The following TMEM51 variants were observed in gnomAD, a reference collection of about 807,000 sequenced individuals.
The protein encoded by TMEM51 is chromosome 1 open reading frame 72.
In TMEM51, 8 loss-of-function variants were observed where a neutral mutation model predicts 13.6. The ratio of observed to expected loss-of-function variants is 0.59; its 90% CI spans 0.35 to 1.07. TMEM51 has a LOEUF of 1.07. TMEM51 is among the 50% of genes least tolerant of loss of function. The probability of loss-of-function intolerance (pLI) is 0.02; values close to 1 mark genes in which losing one functional copy is unlikely to be tolerated. For synonymous variants in TMEM51, 147 were observed against 144.4 expected, an observed-to-expected ratio of 1.02 and a Z score of -0.13; for missense variants, 279 against 330.7, an observed-to-expected ratio of 0.84 and a Z score of 1.21.
chr1:15,215,110 A>G lies in TMEM51; in HGVS notation c.23A>G (p.Asn8Ser), dbSNP rs201766226. MMAQSKANGSHYALTAIG... is the reference protein window; with the variant it reads MMAQSKASGSHYALTAIG... ...GACATGATGGCCCAGTCCAAGGCCA[A>G]TGGCTCGCACTATGCGCTGACCGCC... is the stretch of plus-strand genomic sequence containing the variant. The change falls in exon 3 of 4, where the codon AAT becomes AGT. Residue 8 changes from asparagine (N) to serine (S), a missense_variant. Asn to Ser is a conservative substitution (Grantham distance 46). Coordinates refer to ENST00000376008, the MANE Select transcript of TMEM51 (RefSeq NM_001136218.2). The G allele has an allele frequency of 8.7e-6, 14 of 1,611,702 alleles. No homozygotes were observed. The highest frequency in any genetic ancestry group is 1.3e-5 in the African/African-American group (1 of 75,020).
At chr1:15,217,138 A>C (rs1456062127) in intron 3 of TMEM51, among the ~76,000 whole-genome samples, 1 of 152,200 alleles carries the variant, frequency 6.6e-6, no homozygotes, top group East Asian at 1.9e-4. Context: ...TTCTTCAAAA[A>C]ACTCAAAATT....
chr1:15,218,313 A>G (rs1174205377), intron 3 of TMEM51, among the ~76,000 whole-genome samples: 4 of 152,208 alleles, frequency 2.6e-5, no homozygotes, highest in African/African-American at 9.7e-5. Context: ...AGTTGGTAGC[A>G]ACTTTGTACA....
At chr1:15,214,004 G>GC (rs1337839055) in intron 2 of TMEM51, among the ~76,000 whole-genome samples, 1 of 129,388 alleles carries the variant, frequency 7.7e-6, no homozygotes, top group African/African-American at 2.8e-5. Flanking sequence ...ACAGCACCCA[G>GC]CCTTTTTTTT....
intron 3 of TMEM51, among the ~76,000 whole-genome samples, chr1:15,216,597 G>A (rs1040085464): frequency 3.9e-5 from 6 of 152,160 alleles, no homozygotes; most frequent in Admixed American, 6.5e-5. Flanking sequence ...GAAGATGTGC[G>A]TATTGATCCT....
Position 15,164,070 on chromosome 1 carries a change from T to C in TMEM51, c.-267+10116T>C, listed in dbSNP as rs543597691. Reference sequence around the variant, plus strand: ...GTCTTGAACTCCTGACCTCAGGTGATCCGCCCACCTCGGCCTCCCAAAGTG... The same window carrying C: ...GTCTTGAACTCCTGACCTCAGGTGACCCGCCCACCTCGGCCTCCCAAAGTG... On this transcript the variant is annotated intron_variant, in intron 1 of 3. Coordinates refer to ENST00000376008, the MANE Select transcript of TMEM51 (RefSeq NM_001136218.2). Among the ~76,000 whole-genome samples the C allele has an allele frequency of 2.0e-5, 3 of 152,116 alleles. No individual in the cohort carries two copies. In the South Asian group the frequency reaches 6.2e-4, roughly 32 times the overall value.
chr1:15,209,092 C>T (rs1466204643), intron 1 of TMEM51, among the ~76,000 whole-genome samples: 2 of 151,916 alleles, frequency 1.3e-5, no homozygotes, highest in Admixed American at 6.6e-5. Context: ...TTTGTTGAGA[C>T]AGGGTCTCAT....
At chr1:15,201,305 CGTT>C (rs1322424114) in intron 1 of TMEM51, among the ~76,000 whole-genome samples, 1 of 149,154 alleles carries the variant, frequency 6.7e-6, no homozygotes, top group African/African-American at 2.5e-5. Flanking sequence ...CGTAATAGGT[CGTT>C]AAGAAAAATA....
At chr1:15,195,089 T>C (rs911980286) in intron 1 of TMEM51, among the ~76,000 whole-genome samples, 9 of 151,794 alleles carry the variant, frequency 5.9e-5, no homozygotes, top group African/African-American at 1.7e-4. Context: ...CATGCCCCGT[T>C]AGTTTTTTTG....
rs1438305401 is a variant in TMEM51 at position 15,215,348 on chromosome 1, T to A, written c.261T>A (p.Asp87Glu). ...TTTCTATCTGCCTGAGTATCAGGGA[T>A]AAGAGGAAGCAGCGGCAGGGCGAGG... ...LLLSICLSIR[D>E]KRKQRQGEDL... Residue 87 changes from aspartate to glutamate, a missense_variant, in exon 3 of 4, where the codon GAT (aspartate) becomes GAA (glutamate). Coordinates refer to ENST00000376008, the MANE Select transcript of TMEM51 (RefSeq NM_001136218.2). 1 of 1,613,494 alleles carries A rather than the reference T, an allele frequency of 6.2e-7. No homozygotes were observed. The highest frequency in any genetic ancestry group is 8.5e-7 in the Non-Finnish European group (1 of 1,180,024).
At chr1:15,205,347 G>A (rs2312333) in intron 1 of TMEM51, among the ~76,000 whole-genome samples, 20,294 of 152,232 alleles carry the variant, frequency 0.13, 1,740 homozygotes, top group Non-Finnish European at 0.19. Flanking sequence ...TTCTCTGCAA[G>A]CCATGACATA....
chr1:15,190,163 A>T (rs1287326280), intron 1 of TMEM51, among the ~76,000 whole-genome samples: 1 of 151,952 alleles, frequency 6.6e-6, no homozygotes, highest in Admixed American at 6.6e-5. Context: ...CAGAGGATGG[A>T]CTCTGGACTC....
intron 1 of TMEM51, among the ~76,000 whole-genome samples, chr1:15,155,441 G>T (rs1161218350): frequency 1.3e-5 from 2 of 152,262 alleles, no homozygotes; most frequent in African/African-American, 4.8e-5. Flanking sequence ...CTCCAAGGGC[G>T]AGGTGGGGTA....
intron 1 of TMEM51, among the ~76,000 whole-genome samples, chr1:15,204,565 G>T (rs1487692636): frequency 6.6e-6 from 1 of 152,034 alleles, no homozygotes; most frequent in Non-Finnish European, 1.5e-5. Flanking sequence ...TGGGAACTCT[G>T]CCCTGCCTTG....
intron 1 of TMEM51, among the ~76,000 whole-genome samples, chr1:15,169,115 T>C (rs1643141854): frequency 6.6e-6 from 1 of 152,208 alleles, no homozygotes; most frequent in African/African-American, 2.4e-5. Context: ...CTTCTATCTT[T>C]AGCACTTCTT....
intron 1 of TMEM51, among the ~76,000 whole-genome samples, chr1:15,197,012 C>T (rs532172178): frequency 6.6e-6 from 1 of 152,198 alleles, no homozygotes; most frequent in Non-Finnish European, 1.5e-5. Flanking sequence ...GCAAACAGTG[C>T]CATGAGGACT....
At position 15,172,074 on chromosome 1, in the gene TMEM51, A is replaced by G. The variant is rs558985909; in HGVS notation, c.-267+18120A>G. The stretch of plus-strand genomic sequence containing the variant: ...CAGCCACGTTTGAAACTTCTGAAGT[A>G]TGGAAAAGAAAGTGGACTCTGTCCA... On this transcript the variant is annotated intron_variant, in intron 1 of 3. Coordinates refer to ENST00000376008, the MANE Select transcript of TMEM51 (RefSeq NM_001136218.2). Among the ~76,000 whole-genome samples, 3 of 152,322 alleles carry G rather than the reference A, an allele frequency of 2.0e-5. No homozygotes were observed. The South Asian group carries it at 6.2e-4, about 32-fold the overall frequency.
chr1:15,153,079 C>G (rs1642450290), upstream of TMEM51, among the ~76,000 whole-genome samples: 1 of 152,216 alleles, frequency 6.6e-6, no homozygotes. Context: ...CCCTGGGGAC[C>G]ACGCATCGGG....
In TMEM51 at chr1:15,161,949, T is replaced by C. The variant is rs113057266; in HGVS notation, c.-267+7995T>C. ...TCTCAAAAAAAGAGAGAAAGAGGTT[T>C]ATTTAGCCCATGGCATCTCAGATGC... On this transcript the variant is annotated intron_variant, in intron 1 of 3. Transcript: ENST00000376008. This position sits in a 1 kb window ranked among gnomAD's most constrained non-coding sequence, Gnocchi z 4.0. 3.7e-3 allele frequency among the ~76,000 whole-genome samples: 556 copies of C among 151,998 alleles called. 11 individuals are homozygous for C. The highest frequency in any genetic ancestry group is 0.013 in the African/African-American group (530 of 41,332).
chr1:15,167,688 T>C (rs1174852242), intron 1 of TMEM51, among the ~76,000 whole-genome samples: 1 of 152,134 alleles, frequency 6.6e-6, no homozygotes, highest in Non-Finnish European at 1.5e-5. Flanking sequence ...GATAATATCC[T>C]CCCCTCCCAT....
Sources: allele counts gnomAD v4.1 joint callset (sites outside exome capture counted in the v4.1 genomes callset), GRCh38; gene constraint gnomAD v4.1.1; non-coding constraint Gnocchi (gnomAD v3.1); transcripts MANE v1.5; gene names NCBI Gene and HGNC (gene_info 2026-07-23, HGNC 2026-07-21).